CDC40: variants seen among roughly 807,000 people sequenced by gnomAD.
CDC40 encodes the protein cell division cycle 40, also known as pre-mRNA-processing factor 17.
A neutral mutation model predicts 80.6 loss-of-function variants in CDC40; 27 were observed. That is an observed-to-expected ratio of 0.33 (90% CI 0.25 to 0.46). The LOEUF (loss-of-function observed/expected upper bound fraction) is 0.46, where lower values mean the gene tolerates loss of function less well. CDC40 is among the 20% of genes least tolerant of loss of function. CDC40 has a pLI of 1.00. For missense variants in CDC40, 486 were observed against 694.1 expected (o/e 0.70, Z 3.37); for synonymous variants, 221 against 232.6 (o/e 0.95, Z 0.45).
intron 1 of CDC40, among the ~76,000 whole-genome samples, chr6:110,187,416 A>G (rs1294929133): frequency 3.3e-5 from 5 of 152,204 alleles, no homozygotes; most frequent in Admixed American, 3.3e-4. Flanking sequence ...TCTAATTTTG[A>G]GGCATATTTT....
At chr6:110,191,284 C>T (rs1296286216) in intron 1 of CDC40, among the ~76,000 whole-genome samples, 1 of 152,210 alleles carries the variant, frequency 6.6e-6, no homozygotes, top group Admixed American at 6.5e-5. Context: ...GCTTCTCCAA[C>T]ATCAATATCA....
At chr6:110,203,149 A>G (rs1777514909) in intron 3 of CDC40, among the ~76,000 whole-genome samples, 1 of 152,216 alleles carries the variant, frequency 6.6e-6, no homozygotes, top group Non-Finnish European at 1.5e-5. Context: ...AAACTTAATA[A>G]GTGAACTTAG....
Position 110,217,722 on chromosome 6 carries a change from G to A in CDC40, c.1009G>A (p.Asp337Asn). The A allele has an allele frequency of 6.3e-7, 1 of 1,592,164 alleles. No homozygotes were observed. Residue 337 changes from aspartate (D) to asparagine (N), a missense_variant, in exon 10 of 15, where the codon GAT becomes AAT. Physicochemically the swap from Asp to Asn is conservative, Grantham distance 23. Transcript: ENST00000307731. ...TTTAGGTCACAGTAAGGCTGTTAGG[G>A]ATATCTGCTTCAATACTGCAGGAAC... ...TFIGHSKAVRDICFNTAGTQF... is the reference protein window; with the variant it reads ...TFIGHSKAVRNICFNTAGTQF...
intron 9 of CDC40, among the ~76,000 whole-genome samples, chr6:110,216,686 T>C (rs1181419081): frequency 6.6e-6 from 1 of 152,182 alleles, no homozygotes; most frequent in Non-Finnish European, 1.5e-5. Context: ...CTGCATGTGG[T>C]TAACAATTTG....
At chr6:110,217,193 G>A (rs1378240717) in intron 9 of CDC40, among the ~76,000 whole-genome samples, 1 of 152,182 alleles carries the variant, frequency 6.6e-6, no homozygotes. Flanking sequence ...ATTTGGTAAT[G>A]TGATCACAGA....
intron 2 of CDC40, chr6:110,198,838 C>G (rs1227517546): frequency 1.3e-5 from 2 of 152,126 alleles, no homozygotes; most frequent in Admixed American, 1.3e-4. Flanking sequence ...ACTACCAAAA[C>G]TTGAAGTGTT....
At chr6:110,212,299 CT>C in intron 7 of CDC40, 27 bp downstream of exon 7, 1 of 1,610,110 alleles carries the variant, frequency 6.2e-7, no homozygotes, top group Non-Finnish European at 8.5e-7. Flanking sequence ...TTTCTGTTTG[CT>C]GTAATGTTAT....
intron 8 of CDC40, 42 bp from the exon 9 acceptor site, chr6:110,215,244 T>A: frequency 6.5e-7 from 1 of 1,539,734 alleles, no homozygotes; most frequent in Non-Finnish European, 9.0e-7. Context: ...AGGACCTTTA[T>A]TAAATGTAAT....
chr6:110,191,311 C>T (rs1354857688), intron 1 of CDC40, among the ~76,000 whole-genome samples: 1 of 152,178 alleles, frequency 6.6e-6, no homozygotes, highest in Non-Finnish European at 1.5e-5. Flanking sequence ...TGAAATCCCA[C>T]CTATTTTGCA....
chr6:110,215,884 G>C (rs1369071325), intron 9 of CDC40, among the ~76,000 whole-genome samples: 1 of 152,126 alleles, frequency 6.6e-6, no homozygotes, highest in African/African-American at 2.4e-5. Context: ...GAAAAGAAAG[G>C]AACTACGTAT....
At chr6:110,224,005 G>C (rs547364917) in intron 12 of CDC40, among the ~76,000 whole-genome samples, 1 of 152,022 alleles carries the variant, frequency 6.6e-6, no homozygotes, top group South Asian at 2.1e-4. Context: ...GCTAATTTTT[G>C]TATTTTTAGT....
In CDC40 at chr6:110,205,077, C is replaced by T. The variant is rs181836089; in HGVS notation, c.407-2429C>T. On this transcript the variant is annotated intron_variant, in intron 3 of 14. Coordinates refer to ENST00000307731, the MANE Select transcript of CDC40 (RefSeq NM_015891.3). ...GATTTTTCCGGACTACTAGTGAGGT[C>T]GAAGGTTTTTTCATATATTTATGAC... 2.1e-4 allele frequency among the ~76,000 whole-genome samples: 32 copies of T among 152,048 alleles called. No homozygotes were observed. The East Asian group carries it at 3.1e-3, about 15-fold the overall frequency.
At chr6:110,198,823 A>C (rs1207915163) in intron 2 of CDC40, among the ~76,000 whole-genome samples, 3 of 152,190 alleles carry the variant, frequency 2.0e-5, no homozygotes, top group African/African-American at 7.2e-5. Context: ...TCTTAAACTC[A>C]GTTAACTACC....
chr6:110,218,628 A>T (rs1777729420), intron 10 of CDC40, among the ~76,000 whole-genome samples: 1 of 152,138 alleles, frequency 6.6e-6, no homozygotes, highest in African/African-American at 2.4e-5. Flanking sequence ...ACACATTGTA[A>T]TCATCTGAAG....
At chr6:110,198,897 A>G (rs575204385) in intron 2 of CDC40, 1 of 152,278 alleles carries the variant, frequency 6.6e-6, no homozygotes, top group Admixed American at 6.5e-5. Flanking sequence ...TATTTTTTTA[A>G]TGGTTGTTCC....
At chr6:110,212,103 T>C in intron 6 of CDC40, 30 bp from the exon 7 acceptor site, 1 of 1,590,400 alleles carries the variant, frequency 6.3e-7, no homozygotes, top group South Asian at 1.1e-5. Flanking sequence ...TTGTATTTGT[T>C]TATTGATTTT....
chr6:110,209,167 T>C lies in CDC40; in HGVS notation c.574T>C (p.Phe192Leu), dbSNP rs1777601080. The C allele has an allele frequency of 6.2e-7, 1 of 1,611,716 alleles. No homozygotes were observed. Among genetic ancestry groups the C allele is most frequent in the Admixed American group, 1.7e-5 (1 of 59,986 alleles). ...AAATGATGCATCCAATATTGATGGTTTTTTGGGACCATGGGCAAAATATGT... is the reference window on the plus strand; with the variant it reads ...AAATGATGCATCCAATATTGATGGTCTTTTGGGACCATGGGCAAAATATGT... ...KENDASNIDG[F>L]LGPWAKYVDE... Residue 192 changes from phenylalanine to leucine, a missense_variant, in exon 5 of 15, where the codon TTT becomes CTT. Coordinates refer to ENST00000307731, the MANE Select transcript of CDC40 (RefSeq NM_015891.3).
chr6:110,194,845 T>G (rs1777398435), intron 2 of CDC40, among the ~76,000 whole-genome samples: 1 of 152,218 alleles, frequency 6.6e-6, no homozygotes, highest in South Asian at 2.1e-4. Flanking sequence ...GTTCTTAAAT[T>G]TCATGCATAA....
At chr6:110,188,822 A>G (rs1189786309) in intron 1 of CDC40, among the ~76,000 whole-genome samples, 1 of 152,228 alleles carries the variant, frequency 6.6e-6, no homozygotes, top group Non-Finnish European at 1.5e-5. Context: ...AGTGGTGTTC[A>G]GTCATGGTAA....
Sources: allele counts gnomAD v4.1 joint callset (sites outside exome capture counted in the v4.1 genomes callset), GRCh38; gene constraint gnomAD v4.1.1; transcripts MANE v1.5; gene names NCBI Gene and HGNC (gene_info 2026-07-23, HGNC 2026-07-21).